The following OTUD7A variants were observed in gnomAD, a reference collection of about 807,000 sequenced individuals.
The protein encoded by OTUD7A is OTU deubiquitinase 7A, also known as OTU domain-containing protein 7A.
In OTUD7A, 12 loss-of-function variants were observed where a neutral mutation model predicts 65.7. The observed-to-expected ratio is 0.18, with a 90% CI of 0.12 to 0.30. The LOEUF is 0.30. Ranked by LOEUF, OTUD7A falls within the 10% of genes least tolerant of loss-of-function variation. OTUD7A has a pLI of 1.00. For synonymous variants in OTUD7A, 641 were observed against 586.3 expected (o/e 1.09, Z -1.35); for missense variants, 1,148 against 1,304.8 (o/e 0.88, Z 1.85).
chr15:31,585,562 T>C (rs1775715437), intron 3 of OTUD7A, among the ~76,000 whole-genome samples: 2 of 152,104 alleles, frequency 1.3e-5, no homozygotes, highest in African/African-American at 4.8e-5. Flanking sequence ...ATCCCCAGGG[T>C]TGAGAGCTTG....
At chr15:31,514,358 T>C (rs867086050) in intron 8 of OTUD7A, among the ~76,000 whole-genome samples, 1 of 152,160 alleles carries the variant, frequency 6.6e-6, no homozygotes, top group South Asian at 2.1e-4. Context: ...GCTCCCATCA[T>C]TTCTTAGAGC....
intron 1 of OTUD7A, among the ~76,000 whole-genome samples, chr15:31,816,117 T>C (rs960721816): frequency 6.6e-6 from 1 of 152,190 alleles, no homozygotes; most frequent in East Asian, 1.9e-4. Context: ...AGGATGCTGC[T>C]TTGAGGGCTC....
At chr15:31,575,064 C>T (rs60832561) in intron 3 of OTUD7A, among the ~76,000 whole-genome samples, 4,023 of 152,210 alleles carry the variant, frequency 0.026, 179 homozygotes, top group African/African-American at 0.091. Context: ...GACTGTGAAA[C>T]AGAAACTGAT....
chr15:31,588,146 T>A (rs1889605224), intron 3 of OTUD7A, among the ~76,000 whole-genome samples: 1 of 152,052 alleles, frequency 6.6e-6, no homozygotes, highest in Admixed American at 6.5e-5. Context: ...AAAAGTAGAA[T>A]GAACAAATAC....
chr15:31,503,883 G>A, intron 8 of OTUD7A, 65 bp from the exon 9 acceptor site: 1 of 1,588,752 alleles, frequency 6.3e-7, no homozygotes, highest in Non-Finnish European at 8.6e-7. Flanking sequence ...AGAAAGTGGG[G>A]ACTGCTTCAT....
At chr15:31,864,722 G>A (rs912479426) in intron 1 of OTUD7A, among the ~76,000 whole-genome samples, 12 of 150,282 alleles carry the variant, frequency 8.0e-5, no homozygotes, top group Non-Finnish European at 1.6e-4. Flanking sequence ...CCAAGCCACA[G>A]AAGCCCCTCC....
At chr15:31,830,407 C>A (rs1171871368) in intron 1 of OTUD7A, among the ~76,000 whole-genome samples, 1 of 152,168 alleles carries the variant, frequency 6.6e-6, no homozygotes, top group Non-Finnish European at 1.5e-5. Flanking sequence ...TTAGGTCCTA[C>A]AAAGTGCTTT....
At chr15:31,545,942 GA>G (rs200066969) in intron 5 of OTUD7A, among the ~76,000 whole-genome samples, 6 of 151,540 alleles carry the variant, frequency 4.0e-5, no homozygotes, top group East Asian at 1.9e-4. Flanking sequence ...AAATAATCCA[GA>G]AAAAAAAATT....
chr15:31,484,431 G>A lies in OTUD7A; in HGVS notation c.1665C>T (p.Ser555=), dbSNP rs2041201594. The A allele has an allele frequency of 1.2e-6, 2 of 1,603,104 alleles. No individual in the cohort carries two copies. The highest frequency in any genetic ancestry group is 1.7e-6 in the Non-Finnish European group (2 of 1,179,890). ...CCGAGTCCCCGTTCTTGCCATTGGC[G>A]GAGTTGGCGCGGCCCATCTTGCCGT... is the stretch of plus-strand genomic sequence containing the variant. ...LVHGKMGRAN[S]ANGKNGDSAE... Residue 555 remains serine, a synonymous_variant, in exon 13 of 13, where the codon TCC becomes TCT. Transcript: ENST00000307050. The surrounding 1 kb of genome is among the most constrained non-coding windows in gnomAD (Gnocchi z 4.5).
intron 1 of OTUD7A, among the ~76,000 whole-genome samples, chr15:31,686,852 T>C (rs1257765409): frequency 6.6e-6 from 1 of 152,194 alleles, no homozygotes; most frequent in East Asian, 1.9e-4. Context: ...GCACCAGCTC[T>C]CATCTGCTTT....
In OTUD7A at chr15:31,477,758, G is replaced by T. The variant is rs2041045199; in HGVS notation, c.*5536C>A. On this transcript the variant is annotated 3_prime_UTR_variant, in exon 13 of 13. Coordinates refer to ENST00000307050, the MANE Select transcript of OTUD7A (RefSeq NM_001382637.1). ...ACAGCAATGAGCAAGACATATAAAA[G>T]TTCCTGCCCACATGGAGCTTACAGT... The T allele has an allele frequency of 6.6e-6, 1 of 152,160 alleles. No individual in the cohort carries two copies. Among genetic ancestry groups the T allele is most frequent in the African/African-American group, 2.4e-5 (1 of 41,416 alleles). 9.4% of individuals were successfully genotyped at this position (152,160 alleles called of 1,614,324 possible).
chr15:31,579,999 T>A (rs1889325277), intron 3 of OTUD7A, among the ~76,000 whole-genome samples: 1 of 152,192 alleles, frequency 6.6e-6, no homozygotes, highest in Non-Finnish European at 1.5e-5. Flanking sequence ...CACCAGGATA[T>A]CTAGGAAAGA....
At chr15:31,700,493 C>T (rs1595715148) in intron 1 of OTUD7A, among the ~76,000 whole-genome samples, 2 of 152,290 alleles carry the variant, frequency 1.3e-5, no homozygotes, top group Admixed American at 1.3e-4. Context: ...ACTTCGCCCT[C>T]TCCATCTCAA....
intron 3 of OTUD7A, among the ~76,000 whole-genome samples, chr15:31,650,070 T>G (rs1891793304): frequency 8.7e-6 from 1 of 115,448 alleles, no homozygotes; most frequent in Admixed American, 8.4e-5. Context: ...CTAAAATTTT[T>G]TCTTCTCTGT....
At chr15:31,666,908 GTTAT>G (rs1364411267) in intron 1 of OTUD7A, among the ~76,000 whole-genome samples, 1 of 152,150 alleles carries the variant, frequency 6.6e-6, no homozygotes, top group Non-Finnish European at 1.5e-5. Flanking sequence ...TCAGGAACAG[GTTAT>G]TTAATTCCCA....
At chr15:31,768,119 A>G in intron 1 of OTUD7A, 2 of 1,595,790 alleles carry the variant, frequency 1.3e-6, no homozygotes, top group Admixed American at 1.7e-5. Context: ...TCTTAGAGGC[A>G]TTCCTGCTCG....
chr15:31,812,892 T>G (rs1896456769), intron 1 of OTUD7A, among the ~76,000 whole-genome samples: 1 of 152,194 alleles, frequency 6.6e-6, no homozygotes, highest in Non-Finnish European at 1.5e-5. Context: ...ATAAACATCT[T>G]CTAAAATATA....
chr15:31,582,633 A>G (rs1889406838), intron 3 of OTUD7A, among the ~76,000 whole-genome samples: 1 of 151,598 alleles, frequency 6.6e-6, no homozygotes, highest in Non-Finnish European at 1.5e-5. Context: ...TAACCATCAG[A>G]TCTCATGAGA....
chr15:31,732,102 TA>T (rs1445424105), intron 1 of OTUD7A, among the ~76,000 whole-genome samples: 2 of 152,180 alleles, frequency 1.3e-5, no homozygotes, highest in Non-Finnish European at 2.9e-5. Context: ...AAATCATGTC[TA>T]AAAACAGACT....
Sources: gnomAD v4.1 joint callset for allele counts (sites outside exome capture counted in the v4.1 genomes callset) on GRCh38, gnomAD v4.1.1 for gene constraint, Gnocchi (gnomAD v3.1) non-coding constraint, MANE v1.5 for transcripts, NCBI Gene and HGNC (gene_info 2026-07-23, HGNC 2026-07-21) for gene names.